Variants in CDH9 observed in about 807,000 individuals in gnomAD.
CDH9 encodes cadherin-9.
Under a neutral mutation model 70.9 loss-of-function variants are expected in CDH9, and 28 were observed. The ratio of observed to expected loss-of-function variants is 0.40; its 90% CI spans 0.29 to 0.54. The LOEUF (loss-of-function observed/expected upper bound fraction) is 0.54, where lower values mean the gene tolerates loss of function less well. CDH9 is among the 20% of genes least tolerant of loss of function. The pLI, the probability that CDH9 is intolerant of heterozygous loss-of-function variation, is 0.59. For synonymous variants in CDH9, 409 were observed against 343.1 expected (o/e 1.19, Z -2.12); for missense variants, 874 against 984.4 (o/e 0.89, Z 1.50).
In CDH9 at chr5:26,885,873, A is replaced by G; in HGVS notation, c.1631-8T>C. ...TGATTCCTGCTGTATTATCTGGGGG[A>G]GAAAACATGTAAAAAAACAAAAACT... On this transcript the variant is annotated splice_region_variant and splice_polypyrimidine_tract_variant and intron_variant, in intron 10 of 11. Coordinates refer to ENST00000231021, the MANE Select transcript of CDH9 (RefSeq NM_016279.4). The G allele has an allele frequency of 6.2e-7, 1 of 1,610,090 alleles. No homozygotes were observed. Among genetic ancestry groups the G allele is most frequent in the East Asian group, 2.2e-5 (1 of 44,836 alleles).
chr5:26,989,838 C>T (rs1269557891), intron 1 of CDH9, among the ~76,000 whole-genome samples: 1 of 152,012 alleles, frequency 6.6e-6, no homozygotes, highest in African/African-American at 2.4e-5. Flanking sequence ...TTTTCAAATA[C>T]GGACCTATAT....
intron 2 of CDH9, among the ~76,000 whole-genome samples, chr5:26,968,705 A>T (rs556461814): frequency 5.3e-5 from 8 of 150,402 alleles, no homozygotes; most frequent in Non-Finnish European, 1.2e-4. Flanking sequence ...TAAGCATTTC[A>T]GTATGGTTGG....
At chr5:27,016,306 G>C (rs771038987) in intron 1 of CDH9, among the ~76,000 whole-genome samples, 1 of 151,784 alleles carries the variant, frequency 6.6e-6, no homozygotes, top group South Asian at 2.1e-4. Context: ...TAAATAGACT[G>C]TACTGGGTTG....
In CDH9 at chr5:26,982,153, A is replaced by AGT. The variant is rs948859812; in HGVS notation, c.228+5951_228+5952dup. 1.7e-3 allele frequency among the ~76,000 whole-genome samples: 200 copies of AGT among 120,266 alleles called. 1 individual carries two copies. Among genetic ancestry groups the AGT allele is most frequent in the Non-Finnish European group, 3.1e-4 (19 of 61,388 alleles). 78.9% of individuals were successfully genotyped at this position (120,266 alleles called of 152,430 possible). A position where few individuals can be genotyped will look rare whatever the true frequency, so the allele number is the denominator to read the frequency against. On this transcript the variant is annotated intron_variant, in intron 2 of 11. Transcript: ENST00000231021. ...TTCCTCCCTTCCTTCCTTATTGATG[A>AGT]GTGTATATATAAAGGTGGATTTGAT...
At chr5:26,967,803 C>T (rs1311078621) in intron 2 of CDH9, among the ~76,000 whole-genome samples, 1 of 152,018 alleles carries the variant, frequency 6.6e-6, no homozygotes, top group Non-Finnish European at 1.5e-5. Context: ...TGGGCTCAAG[C>T]AAGCCTCCCA....
intron 1 of CDH9, among the ~76,000 whole-genome samples, chr5:27,007,781 G>T (rs952689614): frequency 6.6e-6 from 1 of 151,966 alleles, no homozygotes; most frequent in Non-Finnish European, 1.5e-5. Context: ...CACATACAAG[G>T]TATTTAGTAT....
intron 2 of CDH9, among the ~76,000 whole-genome samples, chr5:26,960,051 T>C (rs572920644): frequency 3.9e-5 from 6 of 152,058 alleles, no homozygotes; most frequent in Non-Finnish European, 8.8e-5. Flanking sequence ...TTATGTAACA[T>C]AGGAATTTGG....
intron 2 of CDH9, among the ~76,000 whole-genome samples, chr5:26,929,091 T>TC (rs766476088): frequency 3.1e-4 from 47 of 152,154 alleles, no homozygotes; most frequent in Admixed American, 1.8e-3. Flanking sequence ...ACTATTCATC[T>TC]GACAAGGGAT....
intron 2 of CDH9, among the ~76,000 whole-genome samples, chr5:26,964,578 C>T (rs987618275): frequency 2.6e-4 from 39 of 152,102 alleles, no homozygotes; most frequent in Non-Finnish European, 5.3e-4. Context: ...AGACTTAGCA[C>T]GCAGTTTCAT....
At chr5:26,983,607 T>C (rs1742438612) in intron 2 of CDH9, among the ~76,000 whole-genome samples, 1 of 152,184 alleles carries the variant, frequency 6.6e-6, no homozygotes, top group African/African-American at 2.4e-5. Context: ...GTGTGTGTTC[T>C]GAGTTATAAA....
At position 26,906,744 on chromosome 5, in the gene CDH9, T is replaced by C. The variant is rs1375011277; in HGVS notation, c.618A>G (p.Pro206=). The change falls in exon 4 of 12, where the codon CCA becomes CCG. Residue 206 remains proline (P), a synonymous_variant. Transcript: ENST00000231021. Reference sequence around the variant, plus strand: ...CTGATTCTGGGTCCACTGAAAAATATGGCTGTCCTTGCAATATGCTATAGA... The same window carrying C: ...CTGATTCTGGGTCCACTGAAAAATACGGCTGTCCTTGCAATATGCTATAGA... The part of the protein sequence containing the change: ...KVVYSILQGQ[P]YFSVDPESGI... 1.9e-6 allele frequency: 3 copies of C among 1,613,206 alleles called. No individual in the cohort carries two copies. The highest frequency in any genetic ancestry group is 2.2e-5 in the East Asian group (1 of 44,768).
intron 2 of CDH9, among the ~76,000 whole-genome samples, chr5:26,938,754 C>T (rs917291645): frequency 2.6e-5 from 4 of 151,880 alleles, no homozygotes; most frequent in Non-Finnish European, 5.9e-5. Context: ...TCATGCAACC[C>T]AATACTGCTC....
At chr5:27,029,379 C>T (rs1241703006) in intron 1 of CDH9, among the ~76,000 whole-genome samples, 1 of 151,692 alleles carries the variant, frequency 6.6e-6, no homozygotes, top group Middle Eastern at 3.2e-3. Flanking sequence ...GTAGGCTAAA[C>T]AAAATTTTCT....
intron 2 of CDH9, among the ~76,000 whole-genome samples, chr5:26,948,585 C>T (rs1279879798): frequency 6.6e-6 from 1 of 152,144 alleles, no homozygotes; most frequent in Non-Finnish European, 1.5e-5. Context: ...TGAGAGAATG[C>T]ATTTACAAGT....
At chr5:26,948,783 T>C (rs567881080) in intron 2 of CDH9, among the ~76,000 whole-genome samples, 3 of 152,116 alleles carry the variant, frequency 2.0e-5, no homozygotes, top group African/African-American at 7.2e-5. Flanking sequence ...CTATTGACAA[T>C]GGGTGACAAA....
At chr5:26,896,974 T>C (rs1185873840) in intron 7 of CDH9, among the ~76,000 whole-genome samples, 1 of 151,860 alleles carries the variant, frequency 6.6e-6, no homozygotes, top group Non-Finnish European at 1.5e-5. Context: ...CAATAAAAAA[T>C]GATAAAGGGA....
intron 2 of CDH9, among the ~76,000 whole-genome samples, chr5:26,983,219 T>C (rs779568113): frequency 2.0e-4 from 31 of 152,166 alleles, no homozygotes; most frequent in Non-Finnish European, 4.3e-4. Flanking sequence ...AGAAATATCA[T>C]GTTGACTAGA....
intron 1 of CDH9, among the ~76,000 whole-genome samples, chr5:27,033,394 A>G (rs980536632): frequency 2.6e-5 from 4 of 151,474 alleles, no homozygotes; most frequent in Non-Finnish European, 5.9e-5. Context: ...AAACATACAG[A>G]CATAGCTATA....
intron 2 of CDH9, among the ~76,000 whole-genome samples, chr5:26,967,261 T>C (rs62344063): frequency 0.066 from 10,051 of 152,132 alleles, 403 homozygotes; most frequent in Non-Finnish European, 0.091. Context: ...GCTTGTCTTT[T>C]CTTCTATCCT....
Sources: gnomAD v4.1 joint callset for allele counts (sites outside exome capture counted in the v4.1 genomes callset) on GRCh38, gnomAD v4.1.1 for gene constraint, MANE v1.5 for transcripts, NCBI Gene and HGNC (gene_info 2026-07-23, HGNC 2026-07-21) for gene names.